The following MGST2 variants were observed in gnomAD, a reference collection of about 807,000 sequenced individuals.
The protein encoded by MGST2 is glutathione peroxidase MGST2.
A neutral mutation model predicts 16.6 loss-of-function variants in MGST2; 9 were observed. The ratio of observed to expected loss-of-function variants is 0.54; its 90% CI spans 0.33 to 0.95. The LOEUF (loss-of-function observed/expected upper bound fraction) is 0.95, where lower values mean the gene tolerates loss of function less well. Among genes scored for constraint, MGST2 ranks in the 40% least tolerant of loss-of-function variants. The pLI is 0.03. For missense variants in MGST2, 159 were observed against 175.1 expected, an observed-to-expected ratio of 0.91 and a Z score of 0.52; for synonymous variants, 79 against 68.0, an observed-to-expected ratio of 1.16 and a Z score of -0.79.
Position 139,717,018 on chromosome 4 carries a change from A to ACT in MGST2, c.*48+12825_*48+12826dup. On this transcript the variant is annotated intron_variant, in intron 5 of 5. Transcript: ENST00000616265. The stretch of plus-strand genomic sequence containing the variant: ...ATGAGTTAAGGAATGAAATAAAAAT[A>ACT]CTCTATTTTAAACAAACAGTATATA... The ACT allele has an allele frequency of 4.6e-5, 7 of 152,588 alleles. No homozygotes were observed. In the South Asian group the frequency reaches 1.5e-3, roughly 32 times the overall value. The allele number at this position is 152,588 out of a possible 1,614,324, so 9.5% of individuals were successfully genotyped here.
At chr4:139,678,746 A>G (rs1046941749) in intron 2 of MGST2, 104 bp downstream of exon 2, 1 of 874,084 alleles carries the variant, frequency 1.1e-6, no homozygotes, top group Non-Finnish European at 1.9e-6. Context: ...TTCATGTGCA[A>G]TATCTAGTTA....
Position 139,666,107 on chromosome 4 carries a change from CGCGTGTGTGCGT to C in MGST2, c.58+32_58+43del, listed in dbSNP as rs1730327421. The C allele has an allele frequency of 3.4e-6, 4 of 1,174,928 alleles. 1 individual carries two copies. The highest frequency in any genetic ancestry group is 2.1e-5 in the Admixed American group (1 of 47,982). 72.8% of individuals were successfully genotyped at this position (1,174,928 alleles called of 1,614,324 possible). On this transcript the variant is annotated intron_variant, in intron 1 of 4. Coordinates refer to ENST00000265498, the MANE Select transcript of MGST2 (RefSeq NM_002413.5). The stretch of plus-strand genomic sequence containing the variant: ...GAGGCATGGGAAGTTCGTGTGTGTG[CGCGTGTGTGCGT>C]GTGTGTGTGTGTGTGACAAGGCTTG...
rs1305874012 is a variant in MGST2, at chr4:139,670,265, G to C, written c.58+4188G>C. Among the ~76,000 whole-genome samples, 3 of 115,858 alleles carry C rather than the reference G, an allele frequency of 2.6e-5. No homozygotes were observed. The Admixed American group carries it at 2.8e-4, about 11-fold the overall frequency. The allele number at this position is 115,858 out of a possible 152,430, so 76.0% of individuals were successfully genotyped here. On this transcript the variant is annotated intron_variant, in intron 1 of 4. Transcript: ENST00000265498. ...ATTTCCTTCGGTGGGGGGCGGGGGG[G>C]GGGCGGTTAACAGAAATACCAAACT...
chr4:139,691,283 T>G (rs969504290), intron 2 of MGST2, among the ~76,000 whole-genome samples: 2 of 152,218 alleles, frequency 1.3e-5, no homozygotes, highest in African/African-American at 4.8e-5. Flanking sequence ...GAAATTTTCC[T>G]GAGGATCCCC....
intron 5 of MGST2, chr4:139,719,809 T>G: frequency 6.2e-7 from 1 of 1,613,570 alleles, no homozygotes. Context: ...GTCCCAATTC[T>G]CCACTAGTCC....
chr4:139,686,793 T>C (rs1334645081), intron 2 of MGST2, among the ~76,000 whole-genome samples: 1 of 152,246 alleles, frequency 6.6e-6, no homozygotes, highest in Non-Finnish European at 1.5e-5. Flanking sequence ...AGATTAATGC[T>C]TGAAGTTTGG....
At chr4:139,719,246 G>A (rs1579354019) in intron 5 of MGST2, 2 of 1,480,628 alleles carry the variant, frequency 1.4e-6, no homozygotes, top group East Asian at 4.7e-5. Context: ...AAAAAACAAG[G>A]ATGGGTCAAC....
At chr4:139,723,255 T>C (rs1279292512) in intron 5 of MGST2, among the ~76,000 whole-genome samples, 6 of 152,140 alleles carry the variant, frequency 3.9e-5, no homozygotes. Context: ...AAGAATAGGA[T>C]TGATCATCTC....
chr4:139,750,738 C>T, the MGST2 span, among the ~76,000 whole-genome samples: 1 of 152,110 alleles, frequency 6.6e-6, no homozygotes, highest in Non-Finnish European at 1.5e-5. Context: ...AATGGCCTTC[C>T]TAAGGCACTC....
chr4:139,702,867 T>TTTTTTTTTTTTTTTC lies in MGST2; in HGVS notation c.230-585_230-584insTTTTTTTTTTTCTTT, dbSNP rs767366469. Among the ~76,000 whole-genome samples the TTTTTTTTTTTTTTTC allele has an allele frequency of 2.9e-4, 39 of 132,448 alleles. 1 individual carries two copies. The highest frequency in any genetic ancestry group is 7.5e-4 in the African/African-American group (28 of 37,142). 86.9% of individuals were successfully genotyped at this position (132,448 alleles called of 152,430 possible). A position where few individuals can be genotyped will look rare whatever the true frequency, so the allele number is the denominator to read the frequency against. ...TGGTTTTTTTTTTTTTTTTTTTTTT[T>TTTTTTTTTTTTTTTC]TTTACAATTTTAGCCATTCTGTTGG... On this transcript the variant is annotated intron_variant, in intron 3 of 4. Transcript: ENST00000265498.
Position 139,676,122 on chromosome 4 carries a change from A to G in MGST2, c.59-2421A>G, listed in dbSNP as rs1259219443. Among the ~76,000 whole-genome samples, 2 of 152,116 alleles carry G rather than the reference A, an allele frequency of 1.3e-5. 1 individual carries two copies. The highest frequency in any genetic ancestry group is 2.9e-5 in the Non-Finnish European group (2 of 68,028). On this transcript the variant is annotated intron_variant, in intron 1 of 4. Transcript: ENST00000265498. ...TTTATGTCACTATAGATTCATTTGC[A>G]TTTTGAGAATTTTATATAAGTGAAA...
intron 3 of MGST2, among the ~76,000 whole-genome samples, chr4:139,700,127 C>CTTTTTTTTTTTT (rs56662682): frequency 2.4e-5 from 2 of 82,974 alleles, no homozygotes; most frequent in East Asian, 4.2e-4. Flanking sequence ...TTTGGTTTTG[C>CTTTTTTTTTTTT]TTTTTTTTTT....
At chr4:139,678,251 T>A (rs537516749) in intron 1 of MGST2, among the ~76,000 whole-genome samples, 2 of 152,184 alleles carry the variant, frequency 1.3e-5, no homozygotes, top group Admixed American at 1.3e-4. Context: ...CTTAGGGAAA[T>A]ACCTATGAAT....
intron 2 of MGST2, 126 bp downstream of exon 2, chr4:139,678,768 T>C: frequency 1.3e-6 from 1 of 790,468 alleles, no homozygotes; most frequent in South Asian, 1.5e-5. Flanking sequence ...AACAAGTCAC[T>C]CTTCACAGCC....
At chr4:139,720,260 C>T (rs752411432) in intron 5 of MGST2, 40 of 1,593,338 alleles carry the variant, frequency 2.5e-5, no homozygotes, top group South Asian at 1.9e-4. Context: ...TGCCATCAGC[C>T]GTGACGTTCG....
At chr4:139,668,595 C>CAGAGAGAG (rs200533863) in intron 1 of MGST2, among the ~76,000 whole-genome samples, 3 of 135,100 alleles carry the variant, frequency 2.2e-5, no homozygotes, top group African/African-American at 5.7e-5. Context: ...AAGAAAGACA[C>CAGAGAGAG]AGAGAGAGAG....
downstream of MGST2, among the ~76,000 whole-genome samples, chr4:139,741,844 T>C (rs1350504580): frequency 1.3e-5 from 2 of 152,226 alleles, no homozygotes; most frequent in East Asian, 1.9e-4. Flanking sequence ...CACGGTATAA[T>C]TGCCCTATGC....
At chr4:139,674,395 A>G (rs1266829325) in intron 1 of MGST2, among the ~76,000 whole-genome samples, 1 of 152,140 alleles carries the variant, frequency 6.6e-6, no homozygotes, top group African/African-American at 2.4e-5. Context: ...TGAGCAGAGG[A>G]ATCACTTTGA....
chr4:139,730,672 G>C (rs561920679), intron 5 of MGST2: 2 of 1,609,382 alleles, frequency 1.2e-6, no homozygotes, highest in South Asian at 2.2e-5. Context: ...CTGCTCCTGG[G>C]AAGACAAGAG....
Sources: allele counts gnomAD v4.1 joint callset (sites outside exome capture counted in the v4.1 genomes callset), GRCh38; gene constraint gnomAD v4.1.1; transcripts MANE v1.5; gene names NCBI Gene and HGNC (gene_info 2026-07-23, HGNC 2026-07-21).